The following KALRN variants were observed in gnomAD, a reference collection of about 807,000 sequenced individuals.
KALRN encodes kalirin.
KALRN carries 70 observed loss-of-function variants against 353.7 expected under a neutral mutation model. The ratio of observed to expected loss-of-function variants is 0.20; its 90% confidence interval spans 0.16 to 0.24. The LOEUF (loss-of-function observed/expected upper bound fraction) is 0.24, where lower values mean the gene tolerates loss of function less well. Ranked by LOEUF, KALRN falls within the 10% of genes least tolerant of loss-of-function variation. The pLI is 1.00. For synonymous variants in KALRN, 1,391 were observed against 1,434.8 expected (o/e 0.97, Z 0.69); for missense variants, 2,791 against 3,756.7 (o/e 0.74, Z 6.72).
At chr3:124,138,666 T>G (rs1378482322) in intron 1 of KALRN, among the ~76,000 whole-genome samples, 2 of 152,220 alleles carry the variant, frequency 1.3e-5, no homozygotes, top group East Asian at 3.8e-4. Flanking sequence ...TCCTCCTTTC[T>G]GTGGAATTCC....
chr3:124,330,261 C>CACACAA (rs2080394006), intron 8 of KALRN, among the ~76,000 whole-genome samples: 1 of 151,086 alleles, frequency 6.6e-6, no homozygotes, highest in Admixed American at 6.6e-5. Context: ...CACACACACA[C>CACACAA]ACACACACAC....
chr3:124,641,802 G>A (rs1301119379), intron 37 of KALRN, among the ~76,000 whole-genome samples: 2 of 152,228 alleles, frequency 1.3e-5, no homozygotes, highest in Non-Finnish European at 2.9e-5. Context: ...GTATTTGCCA[G>A]CAATAGATTG....
At chr3:124,401,238 C>A (rs2090827598) in intron 13 of KALRN, among the ~76,000 whole-genome samples, 1 of 152,192 alleles carries the variant, frequency 6.6e-6, no homozygotes, top group Non-Finnish European at 1.5e-5. Flanking sequence ...AGGGTGGTGG[C>A]TCACGCCTAT....
Position 124,407,361 on chromosome 3 carries a change from A to C in KALRN, c.2347-6109A>C, listed in dbSNP as rs181991597. Among the ~76,000 whole-genome samples, 6 of 152,216 alleles carry C rather than the reference A, an allele frequency of 3.9e-5. No homozygotes were observed. The East Asian group carries it at 1.2e-3, about 29-fold the overall frequency. On this transcript the variant is annotated intron_variant, in intron 13 of 59. Transcript: ENST00000682506. Reference sequence around the variant, plus strand: ...GCTTCCAGGTTTTAAGCAGTTAAACATCCCTTCTTATTCTTTCTCATTGTT... The same window carrying C: ...GCTTCCAGGTTTTAAGCAGTTAAACCTCCCTTCTTATTCTTTCTCATTGTT...
At chr3:124,400,867 C>T (rs1391216732) in intron 13 of KALRN, among the ~76,000 whole-genome samples, 1 of 152,106 alleles carries the variant, frequency 6.6e-6, no homozygotes, top group African/African-American at 2.4e-5. Context: ...TATTTACTCT[C>T]CTGTCATTCC....
intron 3 of KALRN, among the ~76,000 whole-genome samples, chr3:124,242,594 G>A (rs1351120235): frequency 6.6e-6 from 1 of 152,138 alleles, no homozygotes; most frequent in Non-Finnish European, 1.5e-5. Flanking sequence ...GGTAGGGAAG[G>A]GCACCAACAC....
intron 17 of KALRN, 91 bp downstream of exon 17, chr3:124,434,616 C>A: frequency 8.8e-7 from 1 of 1,132,170 alleles, no homozygotes; most frequent in Non-Finnish European, 1.3e-6. Flanking sequence ...CTTATGTCAG[C>A]GAGAAGCCTG....
intron 2 of KALRN, 144 bp from the exon 3 acceptor site, chr3:124,234,685 C>G (rs541663643): frequency 2.0e-4 from 129 of 634,764 alleles, no homozygotes; most frequent in Middle Eastern, 1.2e-3. Context: ...TAGACCCCCC[C>G]ACCTTGTCCT....
At chr3:124,094,905 G>T (rs766069344) in intron 1 of KALRN, 3 of 1,613,770 alleles carry the variant, frequency 1.9e-6, no homozygotes, top group Non-Finnish European at 2.5e-6. Flanking sequence ...CTGGATCGAG[G>T]TATCCTGAGT....
intron 33 of KALRN, among the ~76,000 whole-genome samples, chr3:124,518,036 G>A (rs2066812449): frequency 6.6e-6 from 1 of 152,154 alleles, no homozygotes; most frequent in Non-Finnish European, 1.5e-5. Context: ...CTGCTTATGG[G>A]TCTGGAACGT....
intron 1 of KALRN, among the ~76,000 whole-genome samples, chr3:124,080,380 C>G (rs1189889668): frequency 6.6e-6 from 1 of 152,192 alleles, no homozygotes; most frequent in Non-Finnish European, 1.5e-5. Context: ...GAACTCCATA[C>G]CAACTCAGTT....
intron 13 of KALRN, 39 bp downstream of exon 13, chr3:124,398,910 G>A (rs780128081): frequency 4.5e-6 from 7 of 1,563,116 alleles, no homozygotes; most frequent in Admixed American, 3.6e-5. Context: ...GAGGGGCCAA[G>A]AAGTGCTTCC....
At chr3:124,351,034 G>C (rs1318716501) in intron 10 of KALRN, among the ~76,000 whole-genome samples, 1 of 152,130 alleles carries the variant, frequency 6.6e-6, no homozygotes, top group Non-Finnish European at 1.5e-5. Flanking sequence ...CACAGTGAAG[G>C]CAGGTTGACT....
intron 10 of KALRN, among the ~76,000 whole-genome samples, chr3:124,362,351 C>A (rs1007476294): frequency 6.6e-6 from 1 of 152,230 alleles, no homozygotes; most frequent in African/African-American, 2.4e-5. Context: ...GTGACAGGAA[C>A]AGATCATTAC....
intron 1 of KALRN, among the ~76,000 whole-genome samples, chr3:124,122,814 G>A (rs2064181794): frequency 6.6e-6 from 1 of 152,068 alleles, no homozygotes; most frequent in Non-Finnish European, 1.5e-5. Context: ...TCCTACAGTG[G>A]CCTCTAAGTG....
At chr3:124,580,066 G>A (rs1310149175) in intron 34 of KALRN, among the ~76,000 whole-genome samples, 3 of 152,216 alleles carry the variant, frequency 2.0e-5, no homozygotes, top group Non-Finnish European at 4.4e-5. Flanking sequence ...CGAATCTCGA[G>A]TAGGTCTCCA....
chr3:124,455,443 A>G, intron 22 of KALRN, 84 bp downstream of exon 22: 1 of 1,356,596 alleles, frequency 7.4e-7, no homozygotes, highest in South Asian at 1.4e-5. Context: ...GAAGAAAAGC[A>G]TGTTTCCAGA....
intron 1 of KALRN, among the ~76,000 whole-genome samples, chr3:124,196,906 A>G (rs2075491421): frequency 7.5e-6 from 1 of 133,020 alleles, no homozygotes; most frequent in African/African-American, 2.5e-5. Flanking sequence ...AGGTGCTATC[A>G]TTATGCTCAT....
At chr3:124,290,981 C>T (rs1233992210) in intron 5 of KALRN, among the ~76,000 whole-genome samples, 2 of 152,166 alleles carry the variant, frequency 1.3e-5, no homozygotes, top group African/African-American at 4.8e-5. Context: ...ACAACACCTA[C>T]CAGGGAGTCT....
Sources: gnomAD v4.1 joint callset for allele counts (sites outside exome capture counted in the v4.1 genomes callset) on GRCh38, gnomAD v4.1.1 for gene constraint, MANE v1.5 for transcripts, NCBI Gene and HGNC (gene_info 2026-07-23, HGNC 2026-07-21) for gene names.